The following IGF2BP3 variants were observed in gnomAD, a reference collection of about 807,000 sequenced individuals.
The protein encoded by IGF2BP3 is insulin like growth factor 2 mRNA binding protein 3, also known as insulin-like growth factor 2 mRNA-binding protein 3.
In IGF2BP3, 9 loss-of-function variants were observed where a neutral mutation model predicts 73.8. The observed-to-expected ratio is 0.12, with a 90% CI of 0.07 to 0.21. The LOEUF (loss-of-function observed/expected upper bound fraction) is 0.21, where lower values mean the gene tolerates loss of function less well. IGF2BP3 is among the 10% of genes least tolerant of loss of function. IGF2BP3 has a pLI of 1.00. For synonymous variants in IGF2BP3, 258 were observed against 256.7 expected (o/e 1.01, Z -0.05); for missense variants, 542 against 714.0 (o/e 0.76, Z 2.75).
intron 2 of IGF2BP3, among the ~76,000 whole-genome samples, chr7:23,462,462 C>T (rs930314322): frequency 6.6e-6 from 1 of 151,946 alleles, no homozygotes; most frequent in Admixed American, 6.6e-5. Flanking sequence ...CCCAGGTTCA[C>T]GCCATTCTCC....
At chr7:23,324,025 G>T (rs1035539789) in intron 10 of IGF2BP3, among the ~76,000 whole-genome samples, 1 of 151,978 alleles carries the variant, frequency 6.6e-6, no homozygotes, top group Non-Finnish European at 1.5e-5. Flanking sequence ...AAAAGCAAGA[G>T]AAAACACATT....
rs199566927 is a variant in IGF2BP3, at chr7:23,343,818, G to T, written c.977C>A (p.Thr326Asn). 6.2e-7 allele frequency: 1 copy of T among 1,612,774 alleles called. No homozygotes were observed. The highest frequency in any genetic ancestry group is 8.5e-7 in the Non-Finnish European group (1 of 1,179,542). The change falls in exon 9 of 15, where the codon ACT (threonine) becomes AAT (asparagine). Residue 326 changes from threonine (T) to asparagine (N), a missense_variant. Physicochemically the swap from Thr to Asn is moderately conservative, Grantham distance 65. Coordinates refer to ENST00000258729, the MANE Select transcript of IGF2BP3 (RefSeq NM_006547.3). ...QELTLYNPERTITVKGNVETC... is the reference protein window; with the variant it reads ...QELTLYNPERNITVKGNVETC... The stretch of plus-strand genomic sequence containing the variant: ...CTCAACATTGCCTTTAACTGTAATA[G>T]TGCGTTCTGGATTATACAGCGTCAA...
At chr7:23,366,766 G>A (rs951207326) in intron 3 of IGF2BP3, among the ~76,000 whole-genome samples, 23 of 152,076 alleles carry the variant, frequency 1.5e-4, no homozygotes, top group African/African-American at 5.3e-4. Context: ...ACAGAATAGG[G>A]AAAGGGCTGT....
At chr7:23,360,630 C>T (rs1392784642) in intron 5 of IGF2BP3, among the ~76,000 whole-genome samples, 1 of 152,202 alleles carries the variant, frequency 6.6e-6, no homozygotes, top group Non-Finnish European at 1.5e-5. Flanking sequence ...CTTTCATAGT[C>T]CCTCCTGAGT....
intron 3 of IGF2BP3, chr7:23,394,590 T>C (rs1371271468): frequency 6.6e-6 from 1 of 152,180 alleles, no homozygotes; most frequent in East Asian, 1.9e-4. Context: ...TAACAATATA[T>C]AGTAGAGGTG....
chr7:23,408,196 T>TA (rs1172168262), intron 3 of IGF2BP3, among the ~76,000 whole-genome samples: 4 of 151,760 alleles, frequency 2.6e-5, no homozygotes, highest in Non-Finnish European at 5.9e-5. Context: ...TGAGGAAGGG[T>TA]AAGGATGTCA....
chr7:23,312,857 G>A lies in IGF2BP3; in HGVS notation c.1528-9C>T. The A allele has an allele frequency of 6.4e-7, 1 of 1,574,150 alleles. No homozygotes were observed. Among genetic ancestry groups the A allele is most frequent in the Non-Finnish European group, 8.7e-7 (1 of 1,150,576 alleles). On this transcript the variant is annotated splice_polypyrimidine_tract_variant and intron_variant, in intron 13 of 14. Coordinates refer to ENST00000258729, the MANE Select transcript of IGF2BP3 (RefSeq NM_006547.3). The stretch of plus-strand genomic sequence containing the variant: ...TTCTGAAGTTCATTCACCTGAAAGA[G>A]ATAAATATAAATCACATTAAGTGGC...
intron 10 of IGF2BP3, among the ~76,000 whole-genome samples, chr7:23,330,668 T>A (rs1419626450): frequency 6.6e-6 from 1 of 152,104 alleles, no homozygotes; most frequent in Non-Finnish European, 1.5e-5. Context: ...GGTCTTGAAC[T>A]CCTGACCTCA....
chr7:23,379,358 T>C (rs1446808683), intron 3 of IGF2BP3, among the ~76,000 whole-genome samples: 2 of 152,206 alleles, frequency 1.3e-5, no homozygotes, highest in Admixed American at 1.3e-4. Context: ...AGTCCACAAG[T>C]ACTGCTTTTG....
chr7:23,464,703 A>AAT (rs911674959), intron 2 of IGF2BP3, among the ~76,000 whole-genome samples: 5 of 137,982 alleles, frequency 3.6e-5, no homozygotes, highest in Admixed American at 2.0e-4. Flanking sequence ...TAAATAAATA[A>AAT]AAATAAAAAT....
chr7:23,338,984 CACAGAT>C (rs1784642471), intron 10 of IGF2BP3, among the ~76,000 whole-genome samples: 2 of 152,218 alleles, frequency 1.3e-5, no homozygotes, highest in South Asian at 4.1e-4. Flanking sequence ...CTGCAAAGAA[CACAGAT>C]TGTTAAGACT....
chr7:23,465,576 A>C (rs1788549220), intron 2 of IGF2BP3, among the ~76,000 whole-genome samples: 1 of 152,108 alleles, frequency 6.6e-6, no homozygotes, highest in Non-Finnish European at 1.5e-5. Context: ...CCAAGCCTCC[A>C]ATCACCTCCT....
intron 3 of IGF2BP3, among the ~76,000 whole-genome samples, chr7:23,404,162 G>A (rs1372245693): frequency 6.6e-6 from 1 of 151,394 alleles, no homozygotes; most frequent in Non-Finnish European, 1.5e-5. Flanking sequence ...AAAAAAAGAG[G>A]TTCGCATATT....
chr7:23,443,358 C>CA (rs1787982157), intron 2 of IGF2BP3, among the ~76,000 whole-genome samples: 1 of 152,088 alleles, frequency 6.6e-6, no homozygotes, highest in Non-Finnish European at 1.5e-5. Context: ...CTCCCGACCT[C>CA]AGGTGATTCA....
chr7:23,397,128 G>A (rs1786501715), intron 3 of IGF2BP3, among the ~76,000 whole-genome samples: 1 of 152,200 alleles, frequency 6.6e-6, no homozygotes, highest in Non-Finnish European at 1.5e-5. Flanking sequence ...GGTTTATGTG[G>A]AGAATAACCA....
At chr7:23,369,844 T>C (rs1785491502) in intron 3 of IGF2BP3, among the ~76,000 whole-genome samples, 1 of 152,042 alleles carries the variant, frequency 6.6e-6, no homozygotes, top group Non-Finnish European at 1.5e-5. Context: ...ACTATGGGCG[T>C]GAGGTAGATA....
chr7:23,322,193 T>A (rs1484825385), intron 10 of IGF2BP3, among the ~76,000 whole-genome samples: 5 of 152,146 alleles, frequency 3.3e-5, no homozygotes, highest in African/African-American at 9.6e-5. Context: ...GAAGAATGTA[T>A]AACTAGAATA....
At chr7:23,368,066 C>A (rs1785431665) in intron 3 of IGF2BP3, among the ~76,000 whole-genome samples, 1 of 151,640 alleles carries the variant, frequency 6.6e-6, no homozygotes. Context: ...GAAAGAATCA[C>A]ATGAAAAATG....
intron 3 of IGF2BP3, among the ~76,000 whole-genome samples, chr7:23,364,580 T>TTGGGGGG (rs1401383806): frequency 9.5e-6 from 1 of 104,846 alleles, no homozygotes; most frequent in Non-Finnish European, 1.8e-5. Flanking sequence ...AAGCGGGAGG[T>TTGGGGGG]TGGGGGGTGG....
Sources: gnomAD v4.1 joint callset for allele counts (sites outside exome capture counted in the v4.1 genomes callset) on GRCh38, gnomAD v4.1.1 for gene constraint, MANE v1.5 for transcripts, NCBI Gene and HGNC (gene_info 2026-07-23, HGNC 2026-07-21) for gene names.